Variants in EEF1D observed in about 807,000 individuals in gnomAD.
The protein encoded by EEF1D is eukaryotic translation elongation factor 1 delta, also known as elongation factor 1-delta.
Under a neutral mutation model 63.9 loss-of-function variants are expected in EEF1D, and 47 were observed. The observed-to-expected ratio is 0.74, with a 90% CI of 0.58 to 0.94. The LOEUF (loss-of-function observed/expected upper bound fraction) is 0.94. Ranked by LOEUF, EEF1D falls within the 40% of genes least tolerant of loss-of-function variation. EEF1D has a pLI of 0.00. For synonymous variants in EEF1D, 412 were observed against 386.1 expected (o/e 1.07, Z -0.79); for missense variants, 907 against 899.0 (o/e 1.01, Z -0.11).
chr8:143,597,151 T>G (rs1218989248), intron 1 of EEF1D, 197 bp downstream of exon 1: 1 of 152,074 alleles, frequency 6.6e-6, no homozygotes, highest in African/African-American at 2.4e-5. Flanking sequence ...GCCGGCCACG[T>G]GGCCTCCGTC....
chr8:143,580,855 G>T, intron 7 of EEF1D, 128 bp from the exon 8 acceptor site: 1 of 1,221,448 alleles, frequency 8.2e-7, no homozygotes, highest in Non-Finnish European at 1.2e-6. Flanking sequence ...TACCGCAGCT[G>T]TGTACATGCA....
chr8:143,580,823 T>TCAAA, intron 7 of EEF1D, 96 bp from the exon 8 acceptor site: 3 of 1,416,412 alleles, frequency 2.1e-6, no homozygotes, highest in Non-Finnish European at 3.0e-6. Flanking sequence ...CTCCTTTGAC[T>TCAAA]GGAGGAAGGG....
At chr8:143,585,924 G>A in intron 5 of EEF1D, 1 of 411,196 alleles carries the variant, frequency 2.4e-6, no homozygotes, top group Non-Finnish European at 4.4e-6. Context: ...CATGCCAGGT[G>A]CCCACAGGAC....
At chr8:143,588,324 T>C (rs546384248) in intron 3 of EEF1D, among the ~76,000 whole-genome samples, 19 of 152,194 alleles carry the variant, frequency 1.2e-4, no homozygotes, top group African/African-American at 4.6e-4. Flanking sequence ...ATGCCCTCTG[T>C]ATTCCCCTCC....
At position 143,597,344 on chromosome 8, in the gene EEF1D, TCA is replaced by T. The variant is rs1829023563; in HGVS notation, c.-15+2_-15+3del. Reference sequence around the variant, plus strand: ...CTCCTTCCGGCGGGGGCCGCGGTACTCACACGCCAGCCAAGGACGCGGCGACC... The same window carrying T: ...CTCCTTCCGGCGGGGGCCGCGGTACTCACGCCAGCCAAGGACGCGGCGACC... On this transcript the variant is annotated splice_donor_variant and splice_donor_region_variant and intron_variant, in intron 1 of 9. Transcript: ENST00000618139. LOFTEE classifies it low-confidence loss of function (5UTR_SPLICE). 1 of 151,900 alleles carries T rather than the reference TCA, an allele frequency of 6.6e-6. No individual in the cohort carries two copies. The highest frequency in any genetic ancestry group is 2.1e-4 in the South Asian group (1 of 4,818). The allele number at this position is 151,900 out of a possible 1,614,324, so 9.4% of individuals were successfully genotyped here. A position where few individuals can be genotyped will look rare whatever the true frequency, so the allele number is the denominator to read the frequency against.
chr8:143,590,517 A>C, intron 2 of EEF1D: 264 of 1,140,512 alleles, frequency 2.3e-4, no homozygotes, highest in Middle Eastern at 1.1e-3. Context: ...CCACCCCACC[A>C]TGGTGGCTGG....
chr8:143,581,196 G>C, intron 6 of EEF1D, 33 bp downstream of exon 6: 3 of 1,612,634 alleles, frequency 1.9e-6, no homozygotes, highest in Non-Finnish European at 2.5e-6. Flanking sequence ...CAGGGGCCAG[G>C]GACAGCCCCA....
intron 1 of EEF1D, among the ~76,000 whole-genome samples, chr8:143,593,171 T>G (rs184526652): frequency 7.9e-5 from 12 of 152,052 alleles, no homozygotes; most frequent in Admixed American, 5.9e-4. Flanking sequence ...AGCCCAGGGC[T>G]CACATTAATA....
intron 7 of EEF1D, 135 bp from the exon 8 acceptor site, chr8:143,580,862 T>C (rs775315816): frequency 1.0e-5 from 12 of 1,188,808 alleles, no homozygotes; most frequent in Admixed American, 3.9e-5. Context: ...GCTGTGTACA[T>C]GCAGGGCCCC....
chr8:143,591,137 A>AG (rs990575571), intron 2 of EEF1D, among the ~76,000 whole-genome samples: 8 of 152,194 alleles, frequency 5.3e-5, no homozygotes, highest in Non-Finnish European at 7.4e-5. Context: ...TCCAAGCTAA[A>AG]GGGGAATCAT....
At chr8:143,594,856 G>A (rs941992840) in intron 1 of EEF1D, among the ~76,000 whole-genome samples, 6 of 152,028 alleles carry the variant, frequency 3.9e-5, no homozygotes, top group African/African-American at 9.7e-5. Context: ...CAAAACCACC[G>A]CACGGCAGAG....
intron 5 of EEF1D, chr8:143,581,646 G>A: frequency 2.2e-6 from 1 of 459,680 alleles, no homozygotes; most frequent in South Asian, 2.7e-5. Context: ...TGGGTGGGAG[G>A]TGCTGAAGGA....
intron 7 of EEF1D, 66 bp from the exon 8 acceptor site, chr8:143,580,793 C>T: frequency 8.3e-6 from 13 of 1,564,306 alleles, no homozygotes; most frequent in South Asian, 5.6e-5. Context: ...AGCTGCCTGG[C>T]CACCTCCTGG....
At chr8:143,587,913 T>C (rs1425955576) in intron 3 of EEF1D, among the ~76,000 whole-genome samples, 2 of 152,184 alleles carry the variant, frequency 1.3e-5, no homozygotes, top group African/African-American at 4.8e-5. Context: ...ACCCTCTTAC[T>C]GTCCAACCAA....
intron 5 of EEF1D, among the ~76,000 whole-genome samples, chr8:143,584,830 T>G (rs919888082): frequency 1.2e-4 from 19 of 152,190 alleles, no homozygotes; most frequent in Non-Finnish European, 2.6e-4. Flanking sequence ...GGCTGGACTG[T>G]GAAACTGCCT....
In EEF1D at chr8:143,580,439, G is replaced by C. The variant is rs1825217892; in HGVS notation, c.1710+67C>G. ...CCCAGAGGGCAGGGGGAGGGTCACAGGCTGAGCCGGCTAGGCGGGCACCAG... is the reference window on the plus strand; with the variant it reads ...CCCAGAGGGCAGGGGGAGGGTCACACGCTGAGCCGGCTAGGCGGGCACCAG... On this transcript the variant is annotated intron_variant, in intron 8 of 9. Coordinates refer to ENST00000618139, the MANE Select transcript of EEF1D (RefSeq NM_001130053.5). 6 of 1,554,570 alleles carry C rather than the reference G, an allele frequency of 3.9e-6. No homozygotes were observed. In the African/African-American group the frequency reaches 4.1e-5, roughly 11 times the overall value.
intron 5 of EEF1D, chr8:143,585,902 G>C: frequency 5.3e-6 from 2 of 380,668 alleles, no homozygotes; most frequent in East Asian, 4.1e-5. Context: ...CAAGCAGGGA[G>C]GCACAGGCTC....
Position 143,589,751 on chromosome 8 carries a change from C to G in EEF1D, c.331G>C (p.Val111Leu), listed in dbSNP as rs774793383. 3.9e-6 allele frequency: 6 copies of G among 1,532,332 alleles called. No individual in the cohort carries two copies. The African/African-American group carries it at 8.3e-5, about 21-fold the overall frequency. 94.9% of individuals were successfully genotyped at this position (1,532,332 alleles called of 1,614,324 possible). A position where few individuals can be genotyped will look rare whatever the true frequency, so the allele number is the denominator to read the frequency against. Residue 111 changes from valine (V) to leucine (L), a missense_variant, in exon 3 of 10, where the codon GTG (valine) becomes CTG (leucine). Physicochemically the swap from Val to Leu is conservative, Grantham distance 32 (BLOSUM62 1). Coordinates refer to ENST00000618139, the MANE Select transcript of EEF1D (RefSeq NM_001130053.5). ...TCGAAAAGTGACTTGTCCAGCCACA[C>G]GCGTTCGGCCGAGAGGCCCAGGAGG... ...LALLGLSAER[V>L]WLDKSLFDQA...
intron 5 of EEF1D, 110 bp from the exon 6 acceptor site, chr8:143,581,438 CAGG>C: frequency 1.1e-6 from 1 of 949,538 alleles, no homozygotes; most frequent in Non-Finnish European, 1.6e-6. Flanking sequence ...CTCGGGAGAG[CAGG>C]AGGTGCCCCC....
Sources: allele counts gnomAD v4.1 joint callset (sites outside exome capture counted in the v4.1 genomes callset), GRCh38; gene constraint gnomAD v4.1.1; transcripts MANE v1.5; gene names NCBI Gene and HGNC (gene_info 2026-07-23, HGNC 2026-07-21).